The following SLC15A4 variants were observed in gnomAD, a reference collection of about 807,000 sequenced individuals.
SLC15A4 encodes the protein hPHT1.
Under a neutral mutation model 46.1 loss-of-function variants are expected in SLC15A4, and 26 were observed. That is an observed-to-expected ratio of 0.56 (90% CI 0.41 to 0.78). The LOEUF (loss-of-function observed/expected upper bound fraction) is 0.78, where lower values mean the gene tolerates loss of function less well. Ranked by LOEUF, SLC15A4 falls within the 30% of genes least tolerant of loss-of-function variation. The pLI is 0.00. For synonymous variants in SLC15A4, 370 were observed against 333.4 expected, an observed-to-expected ratio of 1.11 and a Z score of -1.20; for missense variants, 751 against 755.7, an observed-to-expected ratio of 0.99 and a Z score of 0.07.
rs550966028 is a variant in SLC15A4 at position 128,794,832 on chromosome 12, C to A, written c.1574-476G>T. On this transcript the variant is annotated intron_variant, in intron 7 of 7. Coordinates refer to ENST00000266771, the MANE Select transcript of SLC15A4 (RefSeq NM_145648.4). ...CAGCCTCCTGTGACTGCTAATCCCC[C>A]CACACCAGAACAGCTGGGCAAAGTA... 1.2e-4 allele frequency among the ~76,000 whole-genome samples: 19 copies of A among 152,334 alleles called. No individual in the cohort carries two copies. The South Asian group carries it at 3.9e-3, about 32-fold the overall frequency.
Position 128,814,922 on chromosome 12 carries a change from C to A in SLC15A4, c.695G>T (p.Cys232Phe). The A allele has an allele frequency of 6.2e-6, 10 of 1,614,182 alleles. No homozygotes were observed. The highest frequency in any genetic ancestry group is 8.5e-6 in the Non-Finnish European group (10 of 1,180,042). ...GAAGACCACAAAAGCAAGGCCGACGCAGACAGTGGGGATCGCATAACCAGT... is the reference window on the plus strand; with the variant it reads ...GAAGACCACAAAAGCAAGGCCGACGAAGACAGTGGGGATCGCATAACCAGT... Reference protein sequence around the residue: ...FVTGYAIPTVCVGLAFVVFLC... With the variant: ...FVTGYAIPTVFVGLAFVVFLC... Residue 232 changes from cysteine to phenylalanine, a missense_variant, in exon 2 of 8, where the codon TGC becomes TTC. Cys to Phe is a radical substitution (Grantham distance 205). Transcript: ENST00000266771.
At chr12:128,796,364 G>T (rs542731699) in intron 7 of SLC15A4, among the ~76,000 whole-genome samples, 2 of 143,178 alleles carry the variant, frequency 1.4e-5, no homozygotes, top group African/African-American at 5.3e-5. Flanking sequence ...GGAGGTGAAA[G>T]GCTGCAGTGA....
At chr12:128,800,345 A>G (rs1175561714) in intron 6 of SLC15A4, among the ~76,000 whole-genome samples, 1 of 152,198 alleles carries the variant, frequency 6.6e-6, no homozygotes, top group African/African-American at 2.4e-5. Context: ...CCACCTCTGC[A>G]TATCACTCAT....
chr12:128,810,805 G>C (rs1433143947), intron 2 of SLC15A4, among the ~76,000 whole-genome samples: 4 of 152,164 alleles, frequency 2.6e-5, no homozygotes, highest in Non-Finnish European at 5.9e-5. Flanking sequence ...CATTAACCAT[G>C]TGGTGTTAAA....
chr12:128,805,977 C>T lies in SLC15A4; in HGVS notation c.1258+2811G>A, dbSNP rs143622260. 5.9e-3 allele frequency among the ~76,000 whole-genome samples: 887 copies of T among 151,608 alleles called. 14 individuals carry two copies. Among genetic ancestry groups the T allele is most frequent in the African/African-American group, 0.021 (850 of 41,376 alleles). On this transcript the variant is annotated intron_variant, in intron 5 of 7. Transcript: ENST00000266771. ...TGGGCAGATCACGAGGTCAGGAGAT[C>T]GAGACCACGATGAAACCCTGTCTCT...
chr12:128,809,413 T>C lies in SLC15A4; in HGVS notation c.1072A>G (p.Thr358Ala). 6 of 1,606,260 alleles carry C rather than the reference T, an allele frequency of 3.7e-6. No homozygotes were observed. The highest frequency in any genetic ancestry group is 1.1e-5 in the South Asian group (1 of 90,256). The stretch of plus-strand genomic sequence containing the variant: ...GTTCTTACCGTGTGAGGAGTGGTTG[T>C]AATATTTGAAATTTCTGGAATCCTC... ...HLRIPEISNITTTPHTLPAAW... is the reference protein window; with the variant it reads ...HLRIPEISNIATTPHTLPAAW... Residue 358 changes from threonine to alanine, a missense_variant, in exon 4 of 8, where the codon ACA becomes GCA. Transcript: ENST00000266771.
At chr12:128,811,694 T>G (rs575545744) in intron 2 of SLC15A4, among the ~76,000 whole-genome samples, 1 of 152,276 alleles carries the variant, frequency 6.6e-6, no homozygotes, top group East Asian at 1.9e-4. Context: ...CTAATGCAGA[T>G]ACTATCAGTG....
chr12:128,801,066 T>TA, intron 5 of SLC15A4, 57 bp from the exon 6 acceptor site: 1 of 1,481,640 alleles, frequency 6.7e-7, no homozygotes, highest in Non-Finnish European at 9.1e-7. Flanking sequence ...ACAGTTAATC[T>TA]AAAAATCTGA....
intron 2 of SLC15A4, 117 bp downstream of exon 2, chr12:128,814,657 TA>T: frequency 9.4e-7 from 1 of 1,067,108 alleles, no homozygotes. Flanking sequence ...AGAAGACATG[TA>T]AACCACTCAG....
At chr12:128,795,435 T>C (rs1052208959) in intron 7 of SLC15A4, among the ~76,000 whole-genome samples, 18 of 152,208 alleles carry the variant, frequency 1.2e-4, no homozygotes, top group Admixed American at 5.9e-4. Context: ...GATAAGATCA[T>C]GGGCCATGCA....
At chr12:128,823,181 A>G (rs1448458896) in intron 1 of SLC15A4, among the ~76,000 whole-genome samples, 1 of 151,930 alleles carries the variant, frequency 6.6e-6, no homozygotes, top group Non-Finnish European at 1.5e-5. Flanking sequence ...GTGTGTGTAG[A>G]CCTCACCCCG....
chr12:128,804,127 T>C (rs1168807254), intron 5 of SLC15A4, among the ~76,000 whole-genome samples: 5 of 152,194 alleles, frequency 3.3e-5, no homozygotes, highest in Admixed American at 6.5e-5. Flanking sequence ...GAGAGAGTGA[T>C]ATTTGGCCAT....
In SLC15A4 at chr12:128,823,489, C is replaced by T. The variant is rs1955880768; in HGVS notation, c.455G>A (p.Cys152Tyr). The T allele has an allele frequency of 6.7e-7, 1 of 1,485,080 alleles. No homozygotes were observed. Among genetic ancestry groups the T allele is most frequent in the African/African-American group, 1.5e-5 (1 of 68,460 alleles). 92.0% of individuals were successfully genotyped at this position (1,485,080 alleles called of 1,614,324 possible). A position where few individuals can be genotyped will look rare whatever the true frequency, so the allele number is the denominator to read the frequency against. ...TAPGPDAAAR[C>Y]CSPATFAGLV... ...CCCCGCGAAGGTGGCCGGTGAGCAGCAGCGGGCGGCGGCGTCGGGACCAGG... is the reference window on the plus strand; with the variant it reads ...CCCCGCGAAGGTGGCCGGTGAGCAGTAGCGGGCGGCGGCGTCGGGACCAGG... Residue 152 changes from cysteine (C) to tyrosine (Y), a missense_variant, in exon 1 of 8, where the codon TGC becomes TAC. By Grantham distance (194) the Cys-to-Tyr change is radical (BLOSUM62 -2). Coordinates refer to ENST00000266771, the MANE Select transcript of SLC15A4 (RefSeq NM_145648.4).
At chr12:128,815,105 T>C (rs1955733303) in intron 1 of SLC15A4, 35 bp from the exon 2 acceptor site, 4 of 1,581,196 alleles carry the variant, frequency 2.5e-6, no homozygotes, top group Admixed American at 1.7e-5. Context: ...CTTGAAAATA[T>C]ATGACAGTCT....
intron 2 of SLC15A4, 56 bp from the exon 3 acceptor site, chr12:128,810,167 T>G: frequency 6.4e-7 from 1 of 1,573,522 alleles, no homozygotes; most frequent in Non-Finnish European, 8.7e-7. Context: ...AATCAATTAT[T>G]TGGTCACAAA....
chr12:128,811,489 G>T (rs1326211371), intron 2 of SLC15A4, among the ~76,000 whole-genome samples: 2 of 152,238 alleles, frequency 1.3e-5, no homozygotes, highest in Non-Finnish European at 2.9e-5. Context: ...TGTAGGCCCT[G>T]CATTGCTCTA....
intron 1 of SLC15A4, among the ~76,000 whole-genome samples, chr12:128,817,029 C>T (rs957318919): frequency 1.4e-4 from 21 of 152,056 alleles, no homozygotes; most frequent in Non-Finnish European, 2.6e-4. Flanking sequence ...GTTTGAAGTC[C>T]AAATGATTAA....
chr12:128,817,269 AT>A (rs565440454), intron 1 of SLC15A4, among the ~76,000 whole-genome samples: 68 of 152,370 alleles, frequency 4.5e-4, no homozygotes, highest in Middle Eastern at 3.4e-3. Flanking sequence ...GACACAATGC[AT>A]TTAAATATTG....
chr12:128,795,152 A>G (rs1208429551), intron 7 of SLC15A4, among the ~76,000 whole-genome samples: 1 of 152,102 alleles, frequency 6.6e-6, no homozygotes, highest in Admixed American at 6.6e-5. Flanking sequence ...CAGCCTGAAC[A>G]TCGTGAATTC....
Sources: allele counts gnomAD v4.1 joint callset (sites outside exome capture counted in the v4.1 genomes callset), GRCh38; gene constraint gnomAD v4.1.1; transcripts MANE v1.5; gene names NCBI Gene and HGNC (gene_info 2026-07-23, HGNC 2026-07-21).